SLCO1B1: variants seen among roughly 807,000 people sequenced by gnomAD.
SLCO1B1 encodes the protein solute carrier organic anion transporter family member 1B1, also known as OATP-2.
A neutral mutation model predicts 70.1 loss-of-function variants in SLCO1B1; 81 were observed. The observed-to-expected ratio is 1.16, with a 90% CI of 0.97 to 1.39. The LOEUF (loss-of-function observed/expected upper bound fraction) is 1.39. Ranked by LOEUF, SLCO1B1 falls within the 40% of genes most tolerant of loss-of-function variation. SLCO1B1 has a pLI of 0.00. For synonymous variants in SLCO1B1, 283 were observed against 271.5 expected (o/e 1.04, Z -0.42); for missense variants, 895 against 799.6 (o/e 1.12, Z -1.44).
chr12:21,135,277 G>A (rs570728725), intron 1 of SLCO1B1, among the ~76,000 whole-genome samples: 1 of 152,196 alleles, frequency 6.6e-6, no homozygotes, highest in African/African-American at 2.4e-5. Context: ...TTCAGAGTAG[G>A]TGTGGTGTGG....
At chr12:21,178,499 G>A in intron 5 of SLCO1B1, 77 bp from the exon 6 acceptor site, 1 of 995,842 alleles carries the variant, frequency 1.0e-6, no homozygotes. Flanking sequence ...GAATAATTAA[G>A]AGTTTACAAG....
At chr12:21,210,696 G>A (rs1459522606) in intron 11 of SLCO1B1, among the ~76,000 whole-genome samples, 2 of 148,680 alleles carry the variant, frequency 1.3e-5, no homozygotes, top group African/African-American at 5.0e-5. Context: ...CCATGAGCAT[G>A]GAATGTTCTT....
chr12:21,176,465 T>C (rs1177155721), intron 4 of SLCO1B1, among the ~76,000 whole-genome samples: 1 of 152,086 alleles, frequency 6.6e-6, no homozygotes, highest in Admixed American at 6.5e-5. Context: ...ACACAATTAA[T>C]AATTACTTTT....
At chr12:21,131,455 C>G (rs1395976125) in intron 1 of SLCO1B1, among the ~76,000 whole-genome samples, 1 of 151,872 alleles carries the variant, frequency 6.6e-6, no homozygotes, top group East Asian at 1.9e-4. Flanking sequence ...AAAATAATAC[C>G]TTTATATATT....
At chr12:21,187,808 G>A (rs1940980666) in intron 7 of SLCO1B1, among the ~76,000 whole-genome samples, 1 of 152,130 alleles carries the variant, frequency 6.6e-6, no homozygotes, top group Non-Finnish European at 1.5e-5. Context: ...GGATATGGAA[G>A]AAAAAGTGAG....
At chr12:21,163,224 C>T (rs966124277) in intron 2 of SLCO1B1, among the ~76,000 whole-genome samples, 13 of 151,796 alleles carry the variant, frequency 8.6e-5, no homozygotes, top group African/African-American at 1.2e-4. Flanking sequence ...ATGACATTTC[C>T]TATATTTTCA....
intron 7 of SLCO1B1, among the ~76,000 whole-genome samples, chr12:21,186,309 G>A (rs1309443510): frequency 6.6e-6 from 1 of 152,022 alleles, no homozygotes; most frequent in Non-Finnish European, 1.5e-5. Context: ...TAATTTCATA[G>A]CACCTCCTGT....
At position 21,239,151 on chromosome 12, in the gene SLCO1B1, G is replaced by T. The variant is rs375293385; in HGVS notation, c.2038G>T (p.Val680Phe). Residue 680 changes from valine to phenylalanine, a missense_variant, in exon 15 of 15, where the codon GTC becomes TTC. Transcript: ENST00000256958. ...ATCCTTAAATAAAAATAAACATTTT[G>T]TCCCTTCTGCTGGGGCAGATAGTGA... ...LESLNKNKHF[V>F]PSAGADSETH... The T allele has an allele frequency of 1.9e-6, 3 of 1,613,140 alleles. No homozygotes were observed. Among genetic ancestry groups the T allele is most frequent in the South Asian group, 1.1e-5 (1 of 91,018 alleles).
chr12:21,184,739 C>T (rs1940944751), intron 7 of SLCO1B1, among the ~76,000 whole-genome samples: 1 of 152,098 alleles, frequency 6.6e-6, no homozygotes, highest in Admixed American at 6.6e-5. Context: ...AACATGATGC[C>T]ATGATCAAAA....
At chr12:21,143,141 C>A (rs552517772) in intron 2 of SLCO1B1, among the ~76,000 whole-genome samples, 1 of 151,914 alleles carries the variant, frequency 6.6e-6, no homozygotes, top group Non-Finnish European at 1.5e-5. Context: ...TAAAGACTTG[C>A]GTGCCTGTAG....
At chr12:21,164,541 G>A (rs1256077236) in intron 2 of SLCO1B1, among the ~76,000 whole-genome samples, 2 of 151,694 alleles carry the variant, frequency 1.3e-5, no homozygotes, top group Non-Finnish European at 2.9e-5. Flanking sequence ...CTTCTTCATG[G>A]CTGCCAGAAT....
At chr12:21,230,239 A>T (rs1384061888) in intron 14 of SLCO1B1, among the ~76,000 whole-genome samples, 2 of 150,794 alleles carry the variant, frequency 1.3e-5, no homozygotes, top group African/African-American at 4.9e-5. Context: ...GATGTATACT[A>T]TATTTATACA....
intron 2 of SLCO1B1, among the ~76,000 whole-genome samples, chr12:21,161,365 T>C (rs1177637416): frequency 1.3e-5 from 2 of 152,194 alleles, no homozygotes; most frequent in African/African-American, 4.8e-5. Context: ...TGTGGAAACA[T>C]GGATGGAGCT....
At chr12:21,222,224 CA>C in intron 12 of SLCO1B1, 75 bp from the exon 13 acceptor site, 1 of 659,588 alleles carries the variant, frequency 1.5e-6, no homozygotes, top group Non-Finnish European at 2.6e-6. Flanking sequence ...AAAAACAACA[CA>C]GGAGAAGGTT....
At chr12:21,230,323 C>CTTTTTT (rs745494878) in intron 14 of SLCO1B1, among the ~76,000 whole-genome samples, 2 of 70,258 alleles carry the variant, frequency 2.8e-5, no homozygotes, top group Non-Finnish European at 5.4e-5. Flanking sequence ...CTGTAGTATT[C>CTTTTTT]TTTTTTTTTT....
chr12:21,219,326 G>T (rs1463365520), intron 12 of SLCO1B1, among the ~76,000 whole-genome samples: 1 of 152,170 alleles, frequency 6.6e-6, no homozygotes, highest in African/African-American at 2.4e-5. Flanking sequence ...GCTAAATGGA[G>T]ACATAGGAGG....
At position 21,202,824 on chromosome 12, in the gene SLCO1B1, A is replaced by T. The variant is rs1249450965; in HGVS notation, c.1331+138A>T. The T allele has an allele frequency of 1.2e-4, 83 of 688,776 alleles. 1 individual carries two copies. Among genetic ancestry groups the T allele is most frequent in the Non-Finnish European group, 1.9e-4 (78 of 420,116 alleles). The allele number at this position is 688,776 out of a possible 1,614,324, so 42.7% of individuals were successfully genotyped here. On this transcript the variant is annotated intron_variant, in intron 10 of 14. Coordinates refer to ENST00000256958, the MANE Select transcript of SLCO1B1 (RefSeq NM_006446.5). ...GAGAAATTTCAATTTTAAAATTTTT[A>T]AAATATCTGTTTCTTAAGACCTCAA...
chr12:21,174,820 C>A, intron 4 of SLCO1B1, 111 bp downstream of exon 4: 3 of 1,018,136 alleles, frequency 2.9e-6, no homozygotes, highest in Non-Finnish European at 4.4e-6. Context: ...TGAGAAGATA[C>A]CCACTAAGTG....
In SLCO1B1 at chr12:21,224,798, C is replaced by T; in HGVS notation, c.1824C>T (p.Gly608=). ...TAAAGTGGTCCACCAACAACTGTGG[C>T]ACACGTGGGTCATGTAGGACATATA... ...TCIKWSTNNC[G]TRGSCRTYNS... The change falls in exon 14 of 15, where the codon GGC becomes GGT. Residue 608 remains glycine (G), a synonymous_variant. Transcript: ENST00000256958. The T allele has an allele frequency of 6.2e-7, 1 of 1,610,254 alleles. No individual in the cohort carries two copies. The highest frequency in any genetic ancestry group is 8.5e-7 in the Non-Finnish European group (1 of 1,177,402).
Sources: gnomAD v4.1 joint callset for allele counts (sites outside exome capture counted in the v4.1 genomes callset) on GRCh38, gnomAD v4.1.1 for gene constraint, MANE v1.5 for transcripts, NCBI Gene and HGNC (gene_info 2026-07-23, HGNC 2026-07-21) for gene names.